Variants in PHLPP2 observed in about 807,000 individuals in gnomAD.
PHLPP2 encodes PH domain and leucine rich repeat protein phosphatase 2.
Under a neutral mutation model 124.9 loss-of-function variants are expected in PHLPP2, and 66 were observed. That is an observed-to-expected ratio of 0.53 (90% CI 0.43 to 0.65). PHLPP2 has a LOEUF of 0.65. Among genes scored for constraint, PHLPP2 ranks in the 30% least tolerant of loss-of-function variants. PHLPP2 has a pLI of 0.00. For missense variants in PHLPP2, 1,685 were observed against 1,600.4 expected, an observed-to-expected ratio of 1.05 and a Z score of -0.90; for synonymous variants, 681 against 624.7, an observed-to-expected ratio of 1.09 and a Z score of -1.34.
intron 14 of PHLPP2, 74 bp downstream of exon 14, chr16:71,658,579 T>C: frequency 3.4e-6 from 5 of 1,462,662 alleles, no homozygotes; most frequent in East Asian, 2.3e-5. Flanking sequence ...TTCTTCTTTA[T>C]AAAAGGAAAA....
chr16:71,683,476 G>C (rs1377715260), intron 5 of PHLPP2, among the ~76,000 whole-genome samples: 1 of 152,186 alleles, frequency 6.6e-6, no homozygotes, highest in African/African-American at 2.4e-5. Flanking sequence ...TGGGACCCAA[G>C]TTATGGAATG....
At position 71,652,873 on chromosome 16, in the gene PHLPP2, C is replaced by T; in HGVS notation, c.2734G>A (p.Val912Met). The part of the protein sequence containing the change: ...QAVLCRGGKP[V>M]PLSKVFSLEQ... The stretch of plus-strand genomic sequence containing the variant: ...AGGCTGAAGACTTTAGAGAGGGGCA[C>T]TGGCTTCCCACCTCGGCACAGGACT... The change falls in exon 18 of 19, where the codon GTG becomes ATG. Residue 912 changes from valine to methionine, a missense_variant. Val to Met is a conservative substitution (Grantham distance 21). Coordinates refer to ENST00000568954, the MANE Select transcript of PHLPP2 (RefSeq NM_015020.3). 2 of 1,614,170 alleles carry T rather than the reference C, an allele frequency of 1.2e-6. No homozygotes were observed. Among genetic ancestry groups the T allele is most frequent in the Non-Finnish European group, 8.5e-7 (1 of 1,180,034 alleles).
chr16:71,686,196 A>G (rs2045053694), intron 4 of PHLPP2, among the ~76,000 whole-genome samples: 1 of 152,166 alleles, frequency 6.6e-6, no homozygotes, highest in South Asian at 2.1e-4. Context: ...TATTTTTTTG[A>G]AACAGGCCAC....
At position 71,681,865 on chromosome 16, in the gene PHLPP2, T is replaced by C. The variant is rs113166271; in HGVS notation, c.776A>G (p.Tyr259Cys). ...ATGCTCAGGAACCTCCTCGAGGCTGTAACACGAGAGATCCACGGTACTGAT... is the reference window on the plus strand; with the variant it reads ...ATGCTCAGGAACCTCCTCGAGGCTGCAACACGAGAGATCCACGGTACTGAT... ...QRISTVDLSCYSLEEVPEHLF... is the reference protein window; with the variant it reads ...QRISTVDLSCCSLEEVPEHLF... The change falls in exon 6 of 19, where the codon TAC (tyrosine) becomes TGC (cysteine). Residue 259 changes from tyrosine (Y) to cysteine (C), a missense_variant. Transcript: ENST00000568954. 66 of 1,613,724 alleles carry C rather than the reference T, an allele frequency of 4.1e-5. No homozygotes were observed. In the Admixed American group the frequency reaches 1.1e-3, roughly 26 times the overall value.
Position 71,658,225 on chromosome 16 carries a change from T to G in PHLPP2, c.2279+8A>C, listed in dbSNP as rs1412121050. The stretch of plus-strand genomic sequence containing the variant: ...CACATAGAGATTCCATTTCAAATTT[T>G]TTCCTACCTAAATATGTCCAGTGTC... On this transcript the variant is annotated splice_region_variant and intron_variant, in intron 15 of 18. Coordinates refer to ENST00000568954, the MANE Select transcript of PHLPP2 (RefSeq NM_015020.3). 1.9e-6 allele frequency: 3 copies of G among 1,612,428 alleles called. No homozygotes were observed. Among genetic ancestry groups the G allele is most frequent in the Non-Finnish European group, 2.5e-6 (3 of 1,179,216 alleles).
intron 9 of PHLPP2, among the ~76,000 whole-genome samples, chr16:71,676,010 C>T (rs1305440668): frequency 6.6e-6 from 1 of 152,040 alleles, no homozygotes; most frequent in African/African-American, 2.4e-5. Flanking sequence ...CATGAGCCCC[C>T]ATGATTGGCC....
chr16:71,667,112 G>C, intron 12 of PHLPP2, 66 bp downstream of exon 12: 1 of 1,337,388 alleles, frequency 7.5e-7, no homozygotes, highest in Non-Finnish European at 1.1e-6. Context: ...TCACTCCAAT[G>C]ATAAGTCACT....
intron 10 of PHLPP2, among the ~76,000 whole-genome samples, chr16:71,670,458 A>T (rs933268977): frequency 6.6e-6 from 1 of 152,192 alleles, no homozygotes; most frequent in Admixed American, 6.5e-5. Flanking sequence ...GAGCAAAATT[A>T]ACTGTGTCAA....
chr16:71,655,368 A>G lies in PHLPP2; in HGVS notation c.2457T>C (p.Phe819=). The part of the protein sequence containing the change: ...AEGVGAVYGM[F]DGDRNEELPR... ...GGAGCTCCTCATTTCGGTCTCCATC[A>G]AACATGCCATACACAGCTCCCACCC... Residue 819 remains phenylalanine (F), a synonymous_variant, in exon 17 of 19, where the codon TTT becomes TTC. Transcript: ENST00000568954. The G allele has an allele frequency of 6.2e-7, 1 of 1,614,148 alleles. No homozygotes were observed. The highest frequency in any genetic ancestry group is 8.5e-7 in the Non-Finnish European group (1 of 1,179,974).
In PHLPP2 at chr16:71,714,728, C is replaced by T; in HGVS notation, c.68G>A (p.Trp23Ter). Residue 23 changes from tryptophan to a stop codon, truncating the protein, a stop_gained, in exon 2 of 19, where the codon TGG (tryptophan) becomes TAG (stop). Transcript: ENST00000568954. LOFTEE classifies it high-confidence loss of function. Reference protein sequence around the residue: ...RSRFGSRERDWLREDVKRGCV... With the variant: ...RSRFGSRERD ...GCCTCTCTTTACATCTTCTCTTAGCCAGTCTCTTTCTCGAGAACCAAACCT... is the reference window on the plus strand; with the variant it reads ...GCCTCTCTTTACATCTTCTCTTAGCTAGTCTCTTTCTCGAGAACCAAACCT... 6.2e-7 allele frequency: 1 copy of T among 1,614,144 alleles called. No homozygotes were observed. Among genetic ancestry groups the T allele is most frequent in the Non-Finnish European group, 8.5e-7 (1 of 1,180,024 alleles).
intron 9 of PHLPP2, among the ~76,000 whole-genome samples, chr16:71,674,252 T>C (rs866243899): frequency 2.6e-5 from 4 of 152,138 alleles, no homozygotes; most frequent in Non-Finnish European, 5.9e-5. Flanking sequence ...TAATTTTTTG[T>C]ATTTTTAGTA....
At position 71,714,145 on chromosome 16, in the gene PHLPP2, G is replaced by T. The variant is rs532832304; in HGVS notation, c.284+367C>A. On this transcript the variant is annotated intron_variant, in intron 2 of 18. Transcript: ENST00000568954. ...AGTAGCAGCAGGGTTTCGCCATGTT[G>T]ACCAGGCTGGTCTCGAACTCCTGAC... 2.2e-4 allele frequency among the ~76,000 whole-genome samples: 33 copies of T among 152,076 alleles called. 1 individual carries two copies. Among genetic ancestry groups the T allele is most frequent in the African/African-American group, 7.5e-4 (31 of 41,488 alleles).
At chr16:71,711,305 T>C (rs1209529014) in intron 2 of PHLPP2, among the ~76,000 whole-genome samples, 1 of 149,736 alleles carries the variant, frequency 6.7e-6, no homozygotes, top group East Asian at 2.0e-4. Context: ...CACTCCAGCC[T>C]GGGCAACAAG....
chr16:71,664,333 C>T (rs909445701), intron 12 of PHLPP2: 1 of 565,552 alleles, frequency 1.8e-6, no homozygotes, highest in Non-Finnish European at 3.1e-6. Context: ...GTTGTTTTCC[C>T]AGGCTTCTGG....
chr16:71,695,431 G>A (rs1049673087), intron 3 of PHLPP2, among the ~76,000 whole-genome samples: 4 of 152,150 alleles, frequency 2.6e-5, no homozygotes, highest in Admixed American at 6.5e-5. Flanking sequence ...ATACAGGGCC[G>A]GGCACAGTGG....
At chr16:71,670,721 C>CACACACACACACACAT (rs1555545714) in intron 10 of PHLPP2, among the ~76,000 whole-genome samples, 1 of 151,064 alleles carries the variant, frequency 6.6e-6, no homozygotes, top group Non-Finnish European at 1.5e-5. Context: ...CACACACACA[C>CACACACACACACACAT]GAGAGGAGGG....
intron 13 of PHLPP2, among the ~76,000 whole-genome samples, chr16:71,660,173 G>A (rs544859858): frequency 2.2e-4 from 33 of 151,516 alleles, no homozygotes; most frequent in East Asian, 1.4e-3. Flanking sequence ...TAGTATTCTC[G>A]TCTTTCTTAA....
At chr16:71,682,840 T>A (rs1270756084) in intron 5 of PHLPP2, among the ~76,000 whole-genome samples, 1 of 152,172 alleles carries the variant, frequency 6.6e-6, no homozygotes, top group Non-Finnish European at 1.5e-5. Flanking sequence ...ATATGGGTTA[T>A]AAAAATTGAT....
chr16:71,656,452 CTA>C lies in PHLPP2; in HGVS notation c.2390+117_2390+118del, dbSNP rs1362774541. 77 of 626,138 alleles carry C rather than the reference CTA, an allele frequency of 1.2e-4. 1 individual carries two copies. The highest frequency in any genetic ancestry group is 1.2e-3 in the African/African-American group (67 of 54,558). The allele number at this position is 626,138 out of a possible 1,614,324, so 38.8% of individuals were successfully genotyped here. A position where few individuals can be genotyped will look rare whatever the true frequency, so the allele number is the denominator to read the frequency against. ...AGGGATCTTATCTGACGCTGATGTT[CTA>C]TGATTTGTCTGTGTACAACAGAACA... On this transcript the variant is annotated intron_variant, in intron 16 of 18. Transcript: ENST00000568954.
Sources: allele counts gnomAD v4.1 joint callset (sites outside exome capture counted in the v4.1 genomes callset), GRCh38; gene constraint gnomAD v4.1.1; transcripts MANE v1.5; gene names NCBI Gene and HGNC (gene_info 2026-07-23, HGNC 2026-07-21).